The following NCKAP5 variants were observed in gnomAD, a reference collection of about 807,000 sequenced individuals.
The protein encoded by NCKAP5 is nck-associated protein 5.
A neutral mutation model predicts 167.0 loss-of-function variants in NCKAP5; 92 were observed. The ratio of observed to expected loss-of-function variants is 0.55; its 90% CI spans 0.47 to 0.66. The LOEUF (loss-of-function observed/expected upper bound fraction) is 0.66, where lower values mean the gene tolerates loss of function less well. Ranked by LOEUF, NCKAP5 falls within the 30% of genes least tolerant of loss-of-function variation. The probability of loss-of-function intolerance (pLI) is 0.00; values close to 1 mark genes in which losing one functional copy is unlikely to be tolerated. For synonymous variants in NCKAP5, 891 were observed against 877.4 expected (o/e 1.02, Z -0.27); for missense variants, 2,378 against 2,315.0 (o/e 1.03, Z -0.56).
chr2:133,042,092 T>C (rs1457589507), intron 6 of NCKAP5, among the ~76,000 whole-genome samples: 4 of 152,178 alleles, frequency 2.6e-5, no homozygotes, highest in Non-Finnish European at 5.9e-5. Context: ...ATATCATCAA[T>C]TTTTATTATG....
At chr2:133,543,958 C>T (rs1450184884) in intron 2 of NCKAP5, among the ~76,000 whole-genome samples, 5 of 152,174 alleles carry the variant, frequency 3.3e-5, no homozygotes, top group Non-Finnish European at 7.3e-5. Context: ...TATCTCTATC[C>T]CAGTACTGAA....
intron 4 of NCKAP5, among the ~76,000 whole-genome samples, chr2:133,291,369 G>A (rs1450771872): frequency 1.3e-5 from 2 of 152,182 alleles, no homozygotes; most frequent in Admixed American, 6.5e-5. Context: ...ACTGTTACAT[G>A]TTTGGGGTAT....
intron 8 of NCKAP5, among the ~76,000 whole-genome samples, chr2:132,894,788 G>C (rs539375919): frequency 6.6e-6 from 1 of 152,148 alleles, no homozygotes; most frequent in East Asian, 1.9e-4. Flanking sequence ...ACAGAGGGCC[G>C]CCCTCCGCCC....
intron 5 of NCKAP5, among the ~76,000 whole-genome samples, chr2:133,202,199 T>A (rs2085725367): frequency 6.6e-6 from 1 of 152,030 alleles, no homozygotes; most frequent in Non-Finnish European, 1.5e-5. Flanking sequence ...TATAGACCAA[T>A]GGAACACAAC....
At chr2:133,519,750 G>A (rs563658223) in intron 2 of NCKAP5, among the ~76,000 whole-genome samples, 1 of 152,280 alleles carries the variant, frequency 6.6e-6, no homozygotes, top group Non-Finnish European at 1.5e-5. Context: ...TTACATGTTA[G>A]TGACACAGTC....
chr2:132,739,565 A>G (rs558339462), intron 16 of NCKAP5, among the ~76,000 whole-genome samples: 539 of 152,226 alleles, frequency 3.5e-3, no homozygotes, highest in African/African-American at 0.012. Flanking sequence ...ATATATTTCT[A>G]TAACCGGTTG....
chr2:133,518,597 G>A (rs982452619), intron 2 of NCKAP5, among the ~76,000 whole-genome samples: 4 of 151,920 alleles, frequency 2.6e-5, no homozygotes, highest in African/African-American at 9.7e-5. Flanking sequence ...CTCATGATCT[G>A]CCTGCCTCGG....
intron 4 of NCKAP5, chr2:133,268,224 C>G (rs1179007796): frequency 6.6e-6 from 1 of 152,170 alleles, no homozygotes; most frequent in African/African-American, 2.4e-5. Flanking sequence ...GTGTGCAAGC[C>G]ACATTAAGCA....
chr2:133,457,605 T>C (rs753096854), intron 3 of NCKAP5, among the ~76,000 whole-genome samples: 8 of 152,272 alleles, frequency 5.3e-5, no homozygotes, highest in Non-Finnish European at 1.0e-4. Flanking sequence ...CAAAATCTTA[T>C]GGAAATGGTT....
chr2:133,504,254 T>A (rs1415153143), intron 3 of NCKAP5, among the ~76,000 whole-genome samples: 2 of 149,896 alleles, frequency 1.3e-5, no homozygotes, highest in African/African-American at 5.0e-5. Flanking sequence ...GTATCTGTTG[T>A]ATAAATCTGG....
intron 8 of NCKAP5, among the ~76,000 whole-genome samples, chr2:132,962,887 A>T (rs1279161029): frequency 6.6e-6 from 1 of 152,148 alleles, no homozygotes; most frequent in Non-Finnish European, 1.5e-5. Context: ...CACCGTGCCC[A>T]GCCTCCAGCT....
intron 5 of NCKAP5, among the ~76,000 whole-genome samples, chr2:133,145,557 C>T (rs1370590150): frequency 6.6e-6 from 1 of 152,070 alleles, no homozygotes; most frequent in East Asian, 1.9e-4. Context: ...ATTAAGTCTT[C>T]TACCTCCCAA....
At chr2:133,119,549 A>T (rs1183479382) in intron 6 of NCKAP5, among the ~76,000 whole-genome samples, 1 of 152,220 alleles carries the variant, frequency 6.6e-6, no homozygotes, top group Non-Finnish European at 1.5e-5. Context: ...GAATGTTTCT[A>T]GCAAAAGATA....
chr2:132,802,196 A>T (rs62177049), intron 11 of NCKAP5, among the ~76,000 whole-genome samples: 16,770 of 152,166 alleles, frequency 0.11, 1,130 homozygotes, highest in Middle Eastern at 0.18. Context: ...GGTGAGTCCT[A>T]GTCTGCTCTA....
the NCKAP5 span, among the ~76,000 whole-genome samples, chr2:133,606,246 C>T: frequency 5.3e-5 from 8 of 152,082 alleles, no homozygotes; most frequent in African/African-American, 1.7e-4. Flanking sequence ...TGATAAATAT[C>T]CCATATTATA....
In NCKAP5 at chr2:133,234,549, T is replaced by G. The variant is rs377127827; in HGVS notation, c.144-20770A>C. On this transcript the variant is annotated intron_variant, in intron 4 of 19. Transcript: ENST00000409261. ...GAACACTAATTCCAGTACTGACCAC[T>G]GTATGTTCTTTAACATGTCGCTCAT... is the stretch of plus-strand genomic sequence containing the variant. Among the ~76,000 whole-genome samples the G allele has an allele frequency of 2.1e-3, 322 of 152,280 alleles. 2 individuals are homozygous for G. Among genetic ancestry groups the G allele is most frequent in the African/African-American group, 7.5e-3 (311 of 41,564 alleles).
chr2:133,434,525 G>T (rs1312143583), intron 3 of NCKAP5, among the ~76,000 whole-genome samples: 1 of 152,176 alleles, frequency 6.6e-6, no homozygotes, highest in Non-Finnish European at 1.5e-5. Flanking sequence ...ATATTCCTCA[G>T]TTTCCTCATC....
At chr2:132,927,488 A>G (rs1191767831) in intron 8 of NCKAP5, among the ~76,000 whole-genome samples, 1 of 152,076 alleles carries the variant, frequency 6.6e-6, no homozygotes, top group Non-Finnish European at 1.5e-5. Context: ...AAGTCTTCTG[A>G]TCCATGTGCA....
chr2:133,656,275 A>AC, the NCKAP5 span, among the ~76,000 whole-genome samples: 45,015 of 132,596 alleles, frequency 0.34, 6,998 homozygotes, highest in African/African-American at 0.44. Flanking sequence ...AAACAAACAA[A>AC]AAAAAAAAAA....
Sources: allele counts gnomAD v4.1 joint callset (sites outside exome capture counted in the v4.1 genomes callset), GRCh38; gene constraint gnomAD v4.1.1; transcripts MANE v1.5; gene names NCBI Gene and HGNC (gene_info 2026-07-23, HGNC 2026-07-21).